The following WASF3 variants were observed in gnomAD, a reference collection of about 807,000 sequenced individuals.
WASF3 encodes actin-binding protein WASF3.
Under a neutral mutation model 46.6 loss-of-function variants are expected in WASF3, and 11 were observed. That is an observed-to-expected ratio of 0.24 (90% CI 0.15 to 0.39). The LOEUF (loss-of-function observed/expected upper bound fraction) is 0.39. Among genes scored for constraint, WASF3 ranks in the 10% least tolerant of loss-of-function variants. The pLI is 1.00. For missense variants in WASF3, 576 were observed against 669.8 expected (o/e 0.86, Z 1.55); for synonymous variants, 242 against 259.7 (o/e 0.93, Z 0.65).
rs141258963 is a variant in WASF3 at position 26,577,114 on chromosome 13, G to T, written c.-109+19295G>T. Reference sequence around the variant, plus strand: ...AGTGAGTCTTGCTGATTTGCAGAAAGATGAGATTGCATTTAGAAAATTCAA... The same window carrying T: ...AGTGAGTCTTGCTGATTTGCAGAAATATGAGATTGCATTTAGAAAATTCAA... On this transcript the variant is annotated intron_variant, in intron 1 of 9. Coordinates refer to ENST00000335327, the MANE Select transcript of WASF3 (RefSeq NM_006646.6). 1.2e-3 allele frequency: 933 copies of T among 790,466 alleles called. 11 individuals carry two copies. The African/African-American group carries it at 0.014, about 12-fold the overall frequency. The allele number at this position is 790,466 out of a possible 1,614,324, so 49.0% of individuals were successfully genotyped here.
chr13:26,637,204 G>A (rs1268437397), intron 2 of WASF3, among the ~76,000 whole-genome samples: 1 of 152,150 alleles, frequency 6.6e-6, no homozygotes, highest in Admixed American at 6.6e-5. Context: ...GCAGGGGGAG[G>A]GTACCTGCTG....
chr13:26,642,178 T>C (rs1159695035), intron 2 of WASF3, 83 bp from the exon 3 acceptor site: 1 of 1,400,744 alleles, frequency 7.1e-7, no homozygotes, highest in South Asian at 1.7e-5. Flanking sequence ...TCCTGGAAAA[T>C]AGTCAATTTT....
rs1879839137 is a variant in WASF3 at position 26,577,539 on chromosome 13, A to G, written c.-109+19720A>G. 49 of 1,330,504 alleles carry G rather than the reference A, an allele frequency of 3.7e-5. 2 individuals carry two copies. In the South Asian group the frequency reaches 5.6e-4, roughly 15 times the overall value. 82.4% of individuals were successfully genotyped at this position (1,330,504 alleles called of 1,614,324 possible). A position where few individuals can be genotyped will look rare whatever the true frequency, so the allele number is the denominator to read the frequency against. ...TTCGTTAGAAAAGTAAAAATGCTGA[A>G]GAAGCCCAAGTTTGAATTGGGAAAA... is the stretch of plus-strand genomic sequence containing the variant. On this transcript the variant is annotated intron_variant, in intron 1 of 9. Coordinates refer to ENST00000335327, the MANE Select transcript of WASF3 (RefSeq NM_006646.6).
In WASF3 at chr13:26,682,531, G is replaced by A. The variant is rs201458024; in HGVS notation, c.984-76G>A. The A allele has an allele frequency of 3.2e-5, 51 of 1,580,260 alleles. No homozygotes were observed. The highest frequency in any genetic ancestry group is 6.8e-5 in the African/African-American group (5 of 73,584). ...ACGTGTTGTGTCTGGGGATGGCTCC[G>A]TTAGGTGTCTAAGAGCTCCCAGGAC... On this transcript the variant is annotated intron_variant, in intron 8 of 9. Transcript: ENST00000335327. This position sits in a 1 kb window ranked among gnomAD's most constrained non-coding sequence, Gnocchi z 4.4.
chr13:26,675,428 C>A (rs1883034540), intron 6 of WASF3, among the ~76,000 whole-genome samples: 1 of 151,350 alleles, frequency 6.6e-6, no homozygotes, highest in Admixed American at 6.6e-5. Flanking sequence ...AATACACTTT[C>A]AATACTCTCA....
chr13:26,640,392 T>C (rs796727689), intron 2 of WASF3: 45 of 151,350 alleles, frequency 3.0e-4, no homozygotes, highest in African/African-American at 9.9e-4. Flanking sequence ...ATTTTATTTA[T>C]CATCTCTTTT....
chr13:26,675,495 C>T lies in WASF3; in HGVS notation c.541-1054C>T, dbSNP rs1430347236. Among the ~76,000 whole-genome samples, 6 of 140,630 alleles carry T rather than the reference C, an allele frequency of 4.3e-5. No individual in the cohort carries two copies. The East Asian group carries it at 1.0e-3, about 24-fold the overall frequency. The allele number at this position is 140,630 out of a possible 152,430, so 92.3% of individuals were successfully genotyped here. A position where few individuals can be genotyped will look rare whatever the true frequency, so the allele number is the denominator to read the frequency against. ...CTAGACACACATACACACACACACA[C>T]ACACACACACACACACACACACACA... On this transcript the variant is annotated intron_variant, in intron 6 of 9. Coordinates refer to ENST00000335327, the MANE Select transcript of WASF3 (RefSeq NM_006646.6).
chr13:26,670,485 A>G (rs924887198), intron 5 of WASF3, among the ~76,000 whole-genome samples: 4 of 152,172 alleles, frequency 2.6e-5, no homozygotes, highest in African/African-American at 9.7e-5. Flanking sequence ...CCCAGAACTT[A>G]AAGTATAATA....
At chr13:26,577,218 A>G (rs1465453299) in intron 1 of WASF3, 3 of 736,110 alleles carry the variant, frequency 4.1e-6, no homozygotes, top group African/African-American at 3.4e-5. Flanking sequence ...AATGTGTTCC[A>G]TGGTCAAAAA....
At chr13:26,577,364 G>T (rs948771226) in intron 1 of WASF3, 9 of 766,756 alleles carry the variant, frequency 1.2e-5, no homozygotes, top group Non-Finnish European at 2.1e-5. Context: ...GCACCAACAG[G>T]TCCGCCAAAT....
chr13:26,665,507 T>G (rs776137065), intron 4 of WASF3, among the ~76,000 whole-genome samples: 1 of 152,224 alleles, frequency 6.6e-6, no homozygotes, highest in African/African-American at 2.4e-5. Context: ...AGAGCCACTC[T>G]AGAGATATGG....
chr13:26,558,325 G>T (rs1879169074), intron 1 of WASF3, among the ~76,000 whole-genome samples: 1 of 152,174 alleles, frequency 6.6e-6, no homozygotes, highest in South Asian at 2.1e-4. Flanking sequence ...GCCCTGGCCT[G>T]TGCCCTCTTG....
At position 26,681,178 on chromosome 13, in the gene WASF3, G is replaced by A. The variant is rs2137511340; in HGVS notation, c.841G>A (p.Ala281Thr). ...DVPPHGPASQAAEHEYRPPSA... is the reference protein window; with the variant it reads ...DVPPHGPASQTAEHEYRPPSA... Reference sequence around the variant, plus strand: ...GCCACCACACGGGCCTGCAAGCCAGGCTGCGGAGCATGAGTACCGGCCCCC... The same window carrying A: ...GCCACCACACGGGCCTGCAAGCCAGACTGCGGAGCATGAGTACCGGCCCCC... Residue 281 changes from alanine (A) to threonine (T), a missense_variant, in exon 8 of 10, where the codon GCT becomes ACT. Ala to Thr is a moderately conservative substitution (Grantham distance 58, BLOSUM62 0). This residue lies in a region of WASF3 where 295 missense variants were observed against 291.5 expected (regional missense o/e 1.01). Transcript: ENST00000335327. 1.2e-6 allele frequency: 2 copies of A among 1,614,130 alleles called. No individual in the cohort carries two copies. Among genetic ancestry groups the A allele is most frequent in the Non-Finnish European group, 8.5e-7 (1 of 1,180,028 alleles).
chr13:26,636,919 T>TA (rs1195772434), intron 2 of WASF3, among the ~76,000 whole-genome samples: 2 of 152,202 alleles, frequency 1.3e-5, no homozygotes, highest in African/African-American at 4.8e-5. Flanking sequence ...TAGGAGGAGA[T>TA]ACCCAGCATG....
chr13:26,588,103 G>A (rs1159783524), intron 1 of WASF3, among the ~76,000 whole-genome samples: 1 of 152,186 alleles, frequency 6.6e-6, no homozygotes, highest in Admixed American at 6.5e-5. Context: ...TTAAATAACT[G>A]TAAATAATGT....
rs1002183856 is a variant in WASF3, at chr13:26,664,917, C to T, written c.134-111C>T. ...GACTGTGACACTTTATTTTCATACTCGTTTGCACAAAATCCCACATGTTGA... is the reference window on the plus strand; with the variant it reads ...GACTGTGACACTTTATTTTCATACTTGTTTGCACAAAATCCCACATGTTGA... On this transcript the variant is annotated intron_variant, in intron 3 of 9. Coordinates refer to ENST00000335327, the MANE Select transcript of WASF3 (RefSeq NM_006646.6). 4 of 1,133,342 alleles carry T rather than the reference C, an allele frequency of 3.5e-6. No homozygotes were observed. In the African/African-American group the frequency reaches 4.6e-5, roughly 13 times the overall value. 70.2% of individuals were successfully genotyped at this position (1,133,342 alleles called of 1,614,324 possible).
At chr13:26,615,757 A>T (rs1362745097) in intron 2 of WASF3, among the ~76,000 whole-genome samples, 1 of 152,198 alleles carries the variant, frequency 6.6e-6, no homozygotes, top group Non-Finnish European at 1.5e-5. Context: ...TTGTTTCCTC[A>T]TGGCCCTTGG....
At position 26,679,225 on chromosome 13, in the gene WASF3, G is replaced by T. The variant is rs1401900552; in HGVS notation, c.717-1829G>T. Among the ~76,000 whole-genome samples the T allele has an allele frequency of 6.6e-6, 1 of 151,962 alleles. No individual in the cohort carries two copies. On this transcript the variant is annotated intron_variant, in intron 7 of 9. Coordinates refer to ENST00000335327, the MANE Select transcript of WASF3 (RefSeq NM_006646.6). The surrounding 1 kb of genome is among the most constrained non-coding windows in gnomAD (Gnocchi z 4.8). ...GGTTTCTGCCTCCCCACTGGGAGTG[G>T]GGCTCATCTCCAACAGCTGCCTGCT...
intron 3 of WASF3, among the ~76,000 whole-genome samples, chr13:26,650,613 A>G (rs1419022024): frequency 6.6e-6 from 1 of 152,200 alleles, no homozygotes; most frequent in Non-Finnish European, 1.5e-5. Flanking sequence ...AATTCTAAGA[A>G]TCAAGAAAAA....
Sources: gnomAD v4.1 joint callset for allele counts (sites outside exome capture counted in the v4.1 genomes callset) on GRCh38, gnomAD v4.1.1 for gene constraint, gnomAD v4.1.1 regional missense constraint, Gnocchi (gnomAD v3.1) non-coding constraint, MANE v1.5 for transcripts, NCBI Gene and HGNC (gene_info 2026-07-23, HGNC 2026-07-21) for gene names.